Variants in NUGGC observed in about 807,000 individuals in gnomAD.
NUGGC encodes the protein nuclear GTPase, germinal center associated.
NUGGC carries 58 observed loss-of-function variants against 92.6 expected under a neutral mutation model. That is an observed-to-expected ratio of 0.63 (90% confidence interval 0.51 to 0.78). The LOEUF is 0.78. Among genes scored for constraint, NUGGC ranks in the 30% least tolerant of loss-of-function variants. The pLI is 0.00. For synonymous variants in NUGGC, 376 were observed against 366.4 expected (o/e 1.03, Z -0.30); for missense variants, 925 against 964.6 (o/e 0.96, Z 0.54).
At chr8:28,071,456 G>T (rs529687639) in intron 2 of NUGGC, among the ~76,000 whole-genome samples, 48 of 152,296 alleles carry the variant, frequency 3.2e-4, no homozygotes, top group Non-Finnish European at 5.1e-4. Flanking sequence ...CAAGAGTTTG[G>T]ATGGATGCCC....
At chr8:28,051,655 T>C (rs553076105) in intron 10 of NUGGC, among the ~76,000 whole-genome samples, 1 of 152,304 alleles carries the variant, frequency 6.6e-6, no homozygotes, top group East Asian at 1.9e-4. Flanking sequence ...GCCAGGTGCA[T>C]TGGCTCATGC....
intron 17 of NUGGC, 44 bp downstream of exon 17, chr8:28,029,222 G>C: frequency 6.3e-7 from 1 of 1,578,220 alleles, no homozygotes; most frequent in Non-Finnish European, 8.6e-7. Context: ...CTCCTCCCCC[G>C]GAGCCTCTCG....
rs1341695343 is a variant in NUGGC, at chr8:28,041,140, G to A, written c.1522C>T (p.Gln508Ter). 1.9e-6 allele frequency: 3 copies of A among 1,610,352 alleles called. No individual in the cohort carries two copies. The highest frequency in any genetic ancestry group is 2.5e-6 in the Non-Finnish European group (3 of 1,178,550). ...GGCTGCTCCATGCAGGCGAAGCACTGTGCGATGGCCTTCTCCAGCAGCTCA... is the reference window on the plus strand; with the variant it reads ...GGCTGCTCCATGCAGGCGAAGCACTATGCGATGGCCTTCTCCAGCAGCTCA... ...KVELLEKAIAQCFACMEQPLQ... is the reference protein window; with the variant it reads ...KVELLEKAIA Residue 508 changes from glutamine to a stop codon, truncating the protein, a stop_gained, in exon 13 of 19, where the codon CAG becomes TAG. Transcript: ENST00000413272. LOFTEE classifies it high-confidence loss of function.
chr8:28,070,446 T>C, intron 2 of NUGGC, 90 bp from the exon 3 acceptor site: 1 of 684,310 alleles, frequency 1.5e-6, no homozygotes, highest in South Asian at 1.8e-5. Context: ...TCAAAGGGTC[T>C]AACAGACTGG....
intron 8 of NUGGC, among the ~76,000 whole-genome samples, chr8:28,059,027 G>T (rs1810223794): frequency 6.6e-6 from 1 of 152,156 alleles, no homozygotes; most frequent in Non-Finnish European, 1.5e-5. Context: ...TTTAGTGTTG[G>T]CATTGGAAAG....
Position 28,068,815 on chromosome 8 carries a change from C to T in NUGGC, c.258-377G>A, listed in dbSNP as rs537502636. 4.6e-5 allele frequency among the ~76,000 whole-genome samples: 7 copies of T among 152,260 alleles called. No individual in the cohort carries two copies. The South Asian group carries it at 8.3e-4, about 18-fold the overall frequency. On this transcript the variant is annotated intron_variant, in intron 4 of 18. Coordinates refer to ENST00000413272, the MANE Select transcript of NUGGC (RefSeq NM_001010906.2). ...GCAGTGGTGCAATTATGGCTCACTG[C>T]AGCCTTAACCTCCTAGGCTCAAGCG...
intron 13 of NUGGC, among the ~76,000 whole-genome samples, chr8:28,035,287 C>T (rs1282100324): frequency 1.3e-5 from 2 of 152,148 alleles, no homozygotes; most frequent in Non-Finnish European, 2.9e-5. Flanking sequence ...AAACAAATTA[C>T]CCCGAACATA....
rs190909175 is a variant in NUGGC, at chr8:28,055,661, C to T, written c.1206+304G>A. Among the ~76,000 whole-genome samples the T allele has an allele frequency of 4.4e-4, 67 of 152,270 alleles. 1 individual carries two copies. In the East Asian group the frequency reaches 0.013, roughly 29 times the overall value. On this transcript the variant is annotated intron_variant, in intron 10 of 18. Transcript: ENST00000413272. Reference sequence around the variant, plus strand: ...CAGTCTGGACAACATGGTGCAATCCCATCTCTACAAAAAATACAAAAATTA... The same window carrying T: ...CAGTCTGGACAACATGGTGCAATCCTATCTCTACAAAAAATACAAAAATTA...
At chr8:28,044,718 G>T (rs1273360561) in intron 12 of NUGGC, among the ~76,000 whole-genome samples, 2 of 152,324 alleles carry the variant, frequency 1.3e-5, no homozygotes, top group African/African-American at 4.8e-5. Flanking sequence ...CAGACAGAAG[G>T]CTTCCTGGGC....
At chr8:28,050,652 A>T (rs1439580821) in intron 10 of NUGGC, among the ~76,000 whole-genome samples, 1 of 151,890 alleles carries the variant, frequency 6.6e-6, no homozygotes, top group African/African-American at 2.4e-5. Flanking sequence ...CTTCACTAAA[A>T]CTACAAAAAT....
chr8:28,052,665 A>G (rs1458701656), intron 10 of NUGGC, among the ~76,000 whole-genome samples: 1 of 152,240 alleles, frequency 6.6e-6, no homozygotes, highest in Non-Finnish European at 1.5e-5. Context: ...TCCAGCCTCC[A>G]GAACTGGGAG....
In NUGGC at chr8:28,031,385, C is replaced by T. The variant is rs759113213; in HGVS notation, c.1770-4G>A. On this transcript the variant is annotated splice_region_variant and splice_polypyrimidine_tract_variant and intron_variant, in intron 14 of 18. Coordinates refer to ENST00000413272, the MANE Select transcript of NUGGC (RefSeq NM_001010906.2). ...TGAACCAGTGGGCTTCCCCGTCCTA[C>T]GGAAGAAAGTGACAAAAAAGTTTAA... 16 of 1,611,824 alleles carry T rather than the reference C, an allele frequency of 9.9e-6. No homozygotes were observed. Among genetic ancestry groups the T allele is most frequent in the African/African-American group, 5.3e-5 (4 of 74,816 alleles).
At chr8:28,068,119 G>GAAGGAAGGAAGAAAGA (rs921380082) in intron 5 of NUGGC, 97 bp downstream of exon 5, 2 of 697,970 alleles carry the variant, frequency 2.9e-6, no homozygotes, top group African/African-American at 3.6e-5. Context: ...GAGGGAAGAG[G>GAAGGAAGGAAGAAAGA]AAGGAAGGAA....
Position 28,069,525 on chromosome 8 carries a change from T to C in NUGGC, c.257+19A>G, listed in dbSNP as rs372745576. On this transcript the variant is annotated intron_variant, in intron 4 of 18. Transcript: ENST00000413272. ...AAGACACTGACATAAAATTTCAGGG[T>C]TGCAGATTTCAGACTCACATGAGAT... The C allele has an allele frequency of 8.1e-7, 1 of 1,241,962 alleles. No individual in the cohort carries two copies. The highest frequency in any genetic ancestry group is 1.5e-5 in the African/African-American group (1 of 67,472). The allele number at this position is 1,241,962 out of a possible 1,614,324, so 76.9% of individuals were successfully genotyped here.
intron 4 of NUGGC, 96 bp from the exon 5 acceptor site, chr8:28,068,534 G>C: frequency 3.7e-6 from 3 of 804,656 alleles, no homozygotes; most frequent in East Asian, 5.4e-5. Context: ...CTAATCCCGG[G>C]CACGTCACTA....
At position 28,033,692 on chromosome 8, in the gene NUGGC, A is replaced by G. The variant is rs1240334209; in HGVS notation, c.1617T>C (p.Ser539=). The change falls in exon 14 of 19, where the codon AGT becomes AGC. Residue 539 remains serine, a synonymous_variant. Coordinates refer to ENST00000413272, the MANE Select transcript of NUGGC (RefSeq NM_001010906.2). ...RCILRACLVR[S]KGNQGFHQTL... ...TCTGATGAAAACCTTGGTTTCCTTT[A>G]CTCCTCTAGACAATCAACAATAAAT... 1 of 1,613,590 alleles carries G rather than the reference A, an allele frequency of 6.2e-7. No homozygotes were observed. Among genetic ancestry groups the G allele is most frequent in the South Asian group, 1.1e-5 (1 of 90,958 alleles).
chr8:28,070,569 A>G (rs1425288466), intron 2 of NUGGC, among the ~76,000 whole-genome samples: 2 of 151,630 alleles, frequency 1.3e-5, no homozygotes, highest in South Asian at 2.1e-4. Flanking sequence ...TGGGCAACAC[A>G]GCAAGACCCT....
In NUGGC at chr8:28,069,253, T is replaced by C. The variant is rs557399055; in HGVS notation, c.257+291A>G. ...GACTACTGGTGTGAGTTTGTTCACA[T>C]CTGGGCCTCTCTGAGCCTCAATTTC... On this transcript the variant is annotated intron_variant, in intron 4 of 18. Coordinates refer to ENST00000413272, the MANE Select transcript of NUGGC (RefSeq NM_001010906.2). 5.3e-5 allele frequency among the ~76,000 whole-genome samples: 8 copies of C among 152,284 alleles called. No homozygotes were observed. The South Asian group carries it at 1.5e-3, about 28-fold the overall frequency.
intron 11 of NUGGC, among the ~76,000 whole-genome samples, 180 bp downstream of exon 11, chr8:28,047,327 G>A (rs1809864818): frequency 6.6e-6 from 1 of 152,046 alleles, no homozygotes; most frequent in Non-Finnish European, 1.5e-5. Flanking sequence ...GAGGAACTGT[G>A]GTCTCTGGCA....
Sources: allele counts gnomAD v4.1 joint callset (sites outside exome capture counted in the v4.1 genomes callset), GRCh38; gene constraint gnomAD v4.1.1; transcripts MANE v1.5; gene names NCBI Gene and HGNC (gene_info 2026-07-23, HGNC 2026-07-21).